The following CDC14A variants were observed in gnomAD, a reference collection of about 807,000 sequenced individuals.
CDC14A encodes the protein dual specificity protein phosphatase CDC14A.
CDC14A carries 53 observed loss-of-function variants against 74.4 expected under a neutral mutation model. That is an observed-to-expected ratio of 0.71 (90% CI 0.57 to 0.89). The LOEUF (loss-of-function observed/expected upper bound fraction) is 0.89. CDC14A is among the 40% of genes least tolerant of loss of function. CDC14A has a pLI of 0.00. For missense variants in CDC14A, 646 were observed against 713.7 expected (o/e 0.91, Z 1.08); for synonymous variants, 247 against 258.4 (o/e 0.96, Z 0.43).
At chr1:100,442,635 G>A (rs1402945304) in intron 6 of CDC14A, among the ~76,000 whole-genome samples, 1 of 151,686 alleles carries the variant, frequency 6.6e-6, no homozygotes, top group Non-Finnish European at 1.5e-5. Context: ...CTATAAATTT[G>A]TTTTATTTCA....
chr1:100,395,084 C>T (rs1658285962), intron 4 of CDC14A, among the ~76,000 whole-genome samples: 1 of 152,102 alleles, frequency 6.6e-6, no homozygotes, highest in Non-Finnish European at 1.5e-5. Context: ...GAAGGTGTTC[C>T]TGTTCCTAAA....
At chr1:100,479,529 G>GGTCAAGGAATTTTAGATATT (rs1669248091) in intron 10 of CDC14A, among the ~76,000 whole-genome samples, 1 of 152,154 alleles carries the variant, frequency 6.6e-6, no homozygotes, top group Non-Finnish European at 1.5e-5. Context: ...GATACATGCA[G>GGTCAAGGAATTTTAGATATT]TAGGTCAAGG....
At chr1:100,407,866 G>C (rs1660155452) in intron 4 of CDC14A, among the ~76,000 whole-genome samples, 1 of 151,988 alleles carries the variant, frequency 6.6e-6, no homozygotes, top group Non-Finnish European at 1.5e-5. Flanking sequence ...ACATATTCAT[G>C]GGATACATAC....
intron 11 of CDC14A, 177 bp downstream of exon 11, chr1:100,484,628 A>T (rs1669848912): frequency 3.3e-6 from 1 of 299,480 alleles, no homozygotes; most frequent in Non-Finnish European, 4.6e-6. Flanking sequence ...AATTGCCCTT[A>T]AAAAAAAAAA....
At chr1:100,441,527 A>C (rs1664926258) in intron 6 of CDC14A, among the ~76,000 whole-genome samples, 3 of 152,126 alleles carry the variant, frequency 2.0e-5, no homozygotes, top group Admixed American at 6.5e-5. Flanking sequence ...ATGTTATGTG[A>C]ACTACTATAC....
At chr1:100,359,752 G>A (rs931121408) in intron 2 of CDC14A, among the ~76,000 whole-genome samples, 1 of 151,590 alleles carries the variant, frequency 6.6e-6, no homozygotes, top group African/African-American at 2.4e-5. Flanking sequence ...GCTGTCTGGT[G>A]AAATGTTCTG....
At chr1:100,517,950 T>C (rs1650370357) in intron 15 of CDC14A, among the ~76,000 whole-genome samples, 1 of 152,220 alleles carries the variant, frequency 6.6e-6, no homozygotes, top group Non-Finnish European at 1.5e-5. Context: ...ATTGTAGAAA[T>C]GCTTAGAGAT....
In CDC14A at chr1:100,412,710, A is replaced by ATATATATATT. The variant is rs1660909935; in HGVS notation, c.310-11503_310-11502insTTATATATAT. Among the ~76,000 whole-genome samples the ATATATATATT allele has an allele frequency of 3.1e-5, 3 of 96,048 alleles. 1 individual carries two copies. The highest frequency in any genetic ancestry group is 2.2e-4 in the African/African-American group (3 of 13,620). 63.0% of individuals were successfully genotyped at this position (96,048 alleles called of 152,430 possible). On this transcript the variant is annotated intron_variant, in intron 4 of 15. Transcript: ENST00000336454. ...TCCTGTATGTTTTATATATATATATATATATATATATATTTTATATATATA... is the reference window on the plus strand; with the variant it reads ...TCCTGTATGTTTTATATATATATATATATATATATTTATATATATATATTTTATATATATA...
upstream of CDC14A, chr1:100,351,560 G>A: frequency 1.6e-6 from 1 of 608,554 alleles, no homozygotes; most frequent in South Asian, 2.0e-5. Context: ...CTGAGACTAT[G>A]TAAAGAAATT....
Position 100,494,643 on chromosome 1 carries a change from G to A in CDC14A, c.1138-175G>A, listed in dbSNP as rs1003935626. ...ATTTGACTTGTTGCCTGTTGAACTG[G>A]CAAATAGTTGAGTGTTCTTTTGTGT... On this transcript the variant is annotated intron_variant, in intron 11 of 15. Coordinates refer to ENST00000336454, the MANE Select transcript of CDC14A (RefSeq NM_003672.4). 9.2e-5 allele frequency among the ~76,000 whole-genome samples: 14 copies of A among 152,132 alleles called. No homozygotes were observed. In the South Asian group the frequency reaches 2.7e-3, roughly 29 times the overall value.
At chr1:100,490,981 G>A (rs1011101534) in intron 11 of CDC14A, among the ~76,000 whole-genome samples, 4 of 152,098 alleles carry the variant, frequency 2.6e-5, no homozygotes, top group Non-Finnish European at 5.9e-5. Flanking sequence ...GATCATATGT[G>A]GAAGATGACT....
upstream of CDC14A, among the ~76,000 whole-genome samples, chr1:100,350,543 G>A (rs1650859946): frequency 6.6e-6 from 1 of 152,202 alleles, no homozygotes; most frequent in Admixed American, 6.5e-5. Context: ...TTAAGCAGGA[G>A]AGTTATATAA....
chr1:100,432,703 C>A (rs1163464822), intron 5 of CDC14A, among the ~76,000 whole-genome samples: 1 of 152,068 alleles, frequency 6.6e-6, no homozygotes, highest in Admixed American at 6.6e-5. Flanking sequence ...ATTGGATGAG[C>A]AAAATACACT....
chr1:100,485,725 A>T (rs1407116504), intron 11 of CDC14A: 2 of 152,250 alleles, frequency 1.3e-5, no homozygotes, highest in African/African-American at 2.4e-5. Flanking sequence ...GGAACACATC[A>T]TAGCTCTCTT....
At chr1:100,430,498 G>C (rs551736323) in intron 5 of CDC14A, among the ~76,000 whole-genome samples, 3 of 152,270 alleles carry the variant, frequency 2.0e-5, no homozygotes, top group Admixed American at 2.0e-4. Flanking sequence ...AATTATTTTA[G>C]ATCTTCTGGG....
At chr1:100,440,683 G>A (rs183482332) in intron 6 of CDC14A, among the ~76,000 whole-genome samples, 15 of 152,154 alleles carry the variant, frequency 9.9e-5, no homozygotes, top group African/African-American at 3.6e-4. Flanking sequence ...ATAACCTATT[G>A]ATCATAGGAC....
At chr1:100,447,333 T>C (rs1028486686) in intron 7 of CDC14A, among the ~76,000 whole-genome samples, 2 of 152,216 alleles carry the variant, frequency 1.3e-5, no homozygotes, top group African/African-American at 4.8e-5. Context: ...CTTGGAAAAG[T>C]ATCTTCCAAA....
chr1:100,398,472 T>A (rs1034953958), intron 4 of CDC14A, among the ~76,000 whole-genome samples: 4 of 152,150 alleles, frequency 2.6e-5, no homozygotes, highest in Non-Finnish European at 5.9e-5. Flanking sequence ...AAGGTAGGAG[T>A]ATATTTCTCT....
chr1:100,475,311 T>A (rs1668779446), intron 10 of CDC14A, among the ~76,000 whole-genome samples: 3 of 152,370 alleles, frequency 2.0e-5, no homozygotes, highest in African/African-American at 7.2e-5. Context: ...TTCATGTGTC[T>A]TTGTAATTGT....
Sources: allele counts gnomAD v4.1 joint callset (sites outside exome capture counted in the v4.1 genomes callset), GRCh38; gene constraint gnomAD v4.1.1; transcripts MANE v1.5; gene names NCBI Gene and HGNC (gene_info 2026-07-23, HGNC 2026-07-21).